The following SORCS1 variants were observed in gnomAD, a reference collection of about 807,000 sequenced individuals.
SORCS1 encodes VPS10 domain-containing receptor SorCS1.
In SORCS1, 60 loss-of-function variants were observed where a neutral mutation model predicts 146.1. The observed-to-expected ratio is 0.41, with a 90% CI of 0.33 to 0.51. The LOEUF is 0.51. Among genes scored for constraint, SORCS1 ranks in the 20% least tolerant of loss-of-function variants. SORCS1 has a pLI of 0.21. For synonymous variants in SORCS1, 637 were observed against 584.0 expected (o/e 1.09, Z -1.31); for missense variants, 1,352 against 1,487.6 (o/e 0.91, Z 1.50).
chr10:107,021,028 T>A (rs1298553923), intron 1 of SORCS1, among the ~76,000 whole-genome samples: 1 of 152,148 alleles, frequency 6.6e-6, no homozygotes, highest in Admixed American at 6.6e-5. Context: ...ATTGAATGTC[T>A]ATTGTATTCC....
chr10:107,128,067 C>T (rs1301698881), intron 1 of SORCS1, among the ~76,000 whole-genome samples: 3 of 152,140 alleles, frequency 2.0e-5, no homozygotes, highest in African/African-American at 7.2e-5. Flanking sequence ...ATTTTATTTT[C>T]CTTCCAGTAT....
chr10:106,967,902 TA>T (rs879399060), intron 1 of SORCS1, among the ~76,000 whole-genome samples: 77 of 144,694 alleles, frequency 5.3e-4, no homozygotes, highest in South Asian at 1.1e-3. Context: ...GAAAGTCTAT[TA>T]AAAAAAAAAA....
chr10:106,629,081 C>T, intron 19 of SORCS1, 121 bp downstream of exon 19: 4 of 837,202 alleles, frequency 4.8e-6, no homozygotes, highest in Non-Finnish European at 7.3e-6. Context: ...TCATTTCTTC[C>T]CCATTCCCCT....
intron 1 of SORCS1, among the ~76,000 whole-genome samples, chr10:107,095,429 A>G (rs1014693826): frequency 2.0e-5 from 3 of 152,190 alleles, no homozygotes; most frequent in Non-Finnish European, 4.4e-5. Flanking sequence ...TGAAACTCAT[A>G]GTCTCCCTGA....
intron 3 of SORCS1, among the ~76,000 whole-genome samples, chr10:106,801,268 A>G (rs981905749): frequency 6.6e-6 from 1 of 152,210 alleles, no homozygotes; most frequent in Non-Finnish European, 1.5e-5. Context: ...GAAAGAAGAA[A>G]ATAGGAAAGG....
At chr10:107,114,044 A>G (rs914193927) in intron 1 of SORCS1, among the ~76,000 whole-genome samples, 1 of 152,296 alleles carries the variant, frequency 6.6e-6, no homozygotes, top group Middle Eastern at 3.4e-3. Context: ...TGGATAACTT[A>G]GAGGAAATAA....
chr10:107,024,633 G>A (rs1958314373), intron 1 of SORCS1, among the ~76,000 whole-genome samples: 1 of 152,086 alleles, frequency 6.6e-6, no homozygotes, highest in Admixed American at 6.6e-5. Flanking sequence ...GCTTTGAGAG[G>A]TAGTAGCATA....
intron 2 of SORCS1, among the ~76,000 whole-genome samples, chr10:106,832,015 G>C (rs1055446350): frequency 2.0e-5 from 3 of 152,126 alleles, no homozygotes; most frequent in Non-Finnish European, 4.4e-5. Context: ...GCATTCCAGA[G>C]CTATTTCACA....
chr10:107,132,226 C>T (rs1255048012), intron 1 of SORCS1, among the ~76,000 whole-genome samples: 3 of 152,022 alleles, frequency 2.0e-5, no homozygotes, highest in African/African-American at 7.2e-5. Context: ...TTTATAAACT[C>T]CAGGCAATCC....
intron 3 of SORCS1, among the ~76,000 whole-genome samples, chr10:106,782,311 G>A (rs1292187157): frequency 6.6e-6 from 1 of 152,162 alleles, no homozygotes; most frequent in Non-Finnish European, 1.5e-5. Context: ...TGTCGCCCCG[G>A]CTGGAGTGCA....
At chr10:107,128,093 G>C (rs1343197493) in intron 1 of SORCS1, among the ~76,000 whole-genome samples, 1 of 152,120 alleles carries the variant, frequency 6.6e-6, no homozygotes, top group Non-Finnish European at 1.5e-5. Context: ...CTTACTACTT[G>C]TACACTCTTC....
intron 5 of SORCS1, among the ~76,000 whole-genome samples, chr10:106,752,415 C>A (rs1204650057): frequency 6.6e-6 from 1 of 152,134 alleles, no homozygotes; most frequent in Non-Finnish European, 1.5e-5. Context: ...TGTCCTGGCT[C>A]ATAATAGGTG....
At chr10:107,174,675 A>G in the SORCS1 span, among the ~76,000 whole-genome samples, 1 of 152,136 alleles carries the variant, frequency 6.6e-6, no homozygotes, top group African/African-American at 2.4e-5. Context: ...ATTAATTTTA[A>G]TAATTTTTAG....
At position 106,688,193 on chromosome 10, in the gene SORCS1, A is replaced by G; in HGVS notation, c.1559T>C (p.Leu520Pro). ...TTCTGCTTCAATAGGAAGACTCACC[A>G]GCAAGCAGTGCACGGGGTCCCCCCT... Reference protein sequence around the residue: ...DLRGDPVHCLLPYCSLHLHLK... With the variant: ...DLRGDPVHCLPPYCSLHLHLK... The change falls in exon 10 of 26, where the codon CTG becomes CCG. Residue 520 changes from leucine to proline, a missense_variant and splice_region_variant. Leu to Pro is a moderately conservative substitution (Grantham distance 98). This residue lies in a region of SORCS1 where 648 missense variants were observed against 793.8 expected (regional missense o/e 0.82). Transcript: ENST00000263054. The G allele has an allele frequency of 1.2e-6, 2 of 1,612,662 alleles. No homozygotes were observed. The highest frequency in any genetic ancestry group is 1.7e-6 in the Non-Finnish European group (2 of 1,179,416).
At chr10:107,093,823 T>A (rs1964371637) in intron 1 of SORCS1, among the ~76,000 whole-genome samples, 2 of 152,122 alleles carry the variant, frequency 1.3e-5, no homozygotes, top group African/African-American at 2.4e-5. Context: ...TCTGGCCTCA[T>A]CCCTTTCTGT....
rs2133315504 is a variant in SORCS1, at chr10:106,597,376, A to G, written c.3240T>C (p.Leu1080=). The change falls in exon 24 of 26, where the codon CTT becomes CTC. Residue 1080 remains leucine, a synonymous_variant. Coordinates refer to ENST00000263054, the MANE Select transcript of SORCS1 (RefSeq NM_052918.5). ...CCGCTGTTAAGTGAGCAGCATGGAC[A>G]AGGACTCGGACTCCTGGCTTCAGCT... ...HFELKPGVRV[L]VHAAHLTAAP... The G allele has an allele frequency of 6.2e-7, 1 of 1,614,036 alleles. No homozygotes were observed.
chr10:106,735,061 G>A (rs1462553104), intron 5 of SORCS1, among the ~76,000 whole-genome samples: 7 of 150,440 alleles, frequency 4.7e-5, no homozygotes, highest in Non-Finnish European at 8.8e-5. Flanking sequence ...CAGGAAAATC[G>A]CTTGAACCCG....
chr10:106,652,221 A>G (rs1849915880), intron 18 of SORCS1, among the ~76,000 whole-genome samples, 161 bp downstream of exon 18: 1 of 152,226 alleles, frequency 6.6e-6, no homozygotes, highest in African/African-American at 2.4e-5. Flanking sequence ...AGGGAAGGTG[A>G]AGTGATAATA....
chr10:106,841,278 T>G (rs905132742), intron 2 of SORCS1, among the ~76,000 whole-genome samples: 1 of 151,962 alleles, frequency 6.6e-6, no homozygotes, highest in Middle Eastern at 3.2e-3. Flanking sequence ...GAGACCAGCC[T>G]GGGCAACATG....
Sources: gnomAD v4.1 joint callset for allele counts (sites outside exome capture counted in the v4.1 genomes callset) on GRCh38, gnomAD v4.1.1 for gene constraint, gnomAD v4.1.1 regional missense constraint, MANE v1.5 for transcripts, NCBI Gene and HGNC (gene_info 2026-07-23, HGNC 2026-07-21) for gene names.